Variants in ERI1 observed in about 807,000 individuals in gnomAD.
ERI1 encodes the protein 3'-5' exoribonuclease 1.
ERI1 carries 39 observed loss-of-function variants against 39.7 expected under a neutral mutation model. The observed-to-expected ratio is 0.98, with a 90% CI of 0.76 to 1.28. ERI1 has a LOEUF of 1.28. Among genes scored for constraint, ERI1 ranks in the 50% most tolerant of loss-of-function variants. The probability of loss-of-function intolerance (pLI) is 0.00; values close to 1 mark genes in which losing one functional copy is unlikely to be tolerated. For missense variants in ERI1, 581 were observed against 416.9 expected (o/e 1.39, Z -3.43); for synonymous variants, 204 against 149.6 (o/e 1.36, Z -2.65).
intron 6 of ERI1, among the ~76,000 whole-genome samples, chr8:9,029,485 C>G (rs1777263074): frequency 6.6e-6 from 1 of 152,058 alleles, no homozygotes; most frequent in Non-Finnish European, 1.5e-5. Context: ...TGCACCACCA[C>G]GCCTGGCTAA....
At chr8:9,049,674 A>G (rs1798295456) in intron 3 of ERI1, 1 of 152,194 alleles carries the variant, frequency 6.6e-6, no homozygotes, top group African/African-American at 2.4e-5. Context: ...TTCTGCATTG[A>G]GGGAGGAGAC....
chr8:9,087,350 A>G (rs1373256874), intron 3 of ERI1, among the ~76,000 whole-genome samples: 2 of 148,182 alleles, frequency 1.3e-5, no homozygotes, highest in Non-Finnish European at 3.0e-5. Flanking sequence ...GGTTGAAGCC[A>G]TTTTCCTGCC....
chr8:9,046,250 A>T (rs1441071773), intron 3 of ERI1, among the ~76,000 whole-genome samples: 2 of 152,196 alleles, frequency 1.3e-5, no homozygotes, highest in African/African-American at 4.8e-5. Flanking sequence ...TCTTCTGAGC[A>T]TATCTCTTGA....
downstream of ERI1, among the ~76,000 whole-genome samples, chr8:9,037,920 G>T (rs547049847): frequency 1.4e-5 from 2 of 145,534 alleles, no homozygotes; most frequent in African/African-American, 4.9e-5. Flanking sequence ...TCTGCTCCAA[G>T]TATCTTTGGC....
rs1817527464 is a variant in ERI1 at position 9,018,400 on chromosome 8, C to G, written c.686C>G (p.Thr229Arg). 1 of 1,521,900 alleles carries G rather than the reference C, an allele frequency of 6.6e-7. No individual in the cohort carries two copies. The highest frequency in any genetic ancestry group is 1.4e-5 in the African/African-American group (1 of 72,942). The allele number at this position is 1,521,900 out of a possible 1,614,324, so 94.3% of individuals were successfully genotyped here. A position where few individuals can be genotyped will look rare whatever the true frequency, so the allele number is the denominator to read the frequency against. The change falls in exon 5 of 7, where the codon ACA (threonine) becomes AGA (arginine). Residue 229 changes from threonine to arginine, a missense_variant. By Grantham distance (71) the Thr-to-Arg change is moderately conservative. Transcript: ENST00000250263. ...ACAAAGTATAAATACTCACTTTTAA[C>G]AGATGGGTAAGTATTTAGGAAGATT... ...LGTKYKYSLLTDGSWDMSKFL... is the reference protein window; with the variant it reads ...LGTKYKYSLLRDGSWDMSKFL...
intron 3 of ERI1, among the ~76,000 whole-genome samples, chr8:9,060,779 T>G (rs1469354385): frequency 6.6e-6 from 1 of 152,232 alleles, no homozygotes; most frequent in African/African-American, 2.4e-5. Flanking sequence ...AGCTAGCTGC[T>G]TGTCTAGCCA....
At position 9,008,166 on chromosome 8, in the gene ERI1, A is replaced by G. The variant is rs546708028; in HGVS notation, c.287+18A>G. 6.6e-7 allele frequency: 1 copy of G among 1,521,460 alleles called. No homozygotes were observed. Among genetic ancestry groups the G allele is most frequent in the East Asian group, 2.4e-5 (1 of 41,258 alleles). 94.2% of individuals were successfully genotyped at this position (1,521,460 alleles called of 1,614,324 possible). A position where few individuals can be genotyped will look rare whatever the true frequency, so the allele number is the denominator to read the frequency against. On this transcript the variant is annotated intron_variant, in intron 2 of 6. Coordinates refer to ENST00000250263, the MANE Select transcript of ERI1 (RefSeq NM_153332.4). Reference sequence around the variant, plus strand: ...GAAACTAGGTAATTAAAAATAACTTATAAAATTATAAAAGTAGTACATGCT... The same window carrying G: ...GAAACTAGGTAATTAAAAATAACTTGTAAAATTATAAAAGTAGTACATGCT...
At chr8:9,012,809 C>T (rs567341502) in intron 3 of ERI1, among the ~76,000 whole-genome samples, 1 of 152,196 alleles carries the variant, frequency 6.6e-6, no homozygotes, top group East Asian at 1.9e-4. Context: ...CCAGCTACTG[C>T]ATTTCTTTGT....
In ERI1 at chr8:9,011,624, G is replaced by C; in HGVS notation, c.370G>C (p.Asp124His). Residue 124 changes from aspartate to histidine, a missense_variant, in exon 3 of 7, where the codon GAC becomes CAC. Asp to His is a moderately conservative substitution (Grantham distance 81, BLOSUM62 -1). Coordinates refer to ENST00000250263, the MANE Select transcript of ERI1 (RefSeq NM_153332.4). ...KLMLKESNFADSYYDYICIID... is the reference protein window; with the variant it reads ...KLMLKESNFAHSYYDYICIID... ...GATGCTGAAAGAGAGCAATTTTGCT[G>C]ACAGTTATTATGACTACATTTGTAT... The C allele has an allele frequency of 1.2e-6, 2 of 1,613,538 alleles. No individual in the cohort carries two copies. The highest frequency in any genetic ancestry group is 1.7e-6 in the Non-Finnish European group (2 of 1,179,614).
chr8:9,037,568 A>G (rs909947483), downstream of ERI1, among the ~76,000 whole-genome samples: 2 of 152,092 alleles, frequency 1.3e-5, no homozygotes, highest in Non-Finnish European at 2.9e-5. Flanking sequence ...TTGTATCTCA[A>G]GAACCTAAGA....
chr8:9,012,137 AG>A (rs1816739711), intron 3 of ERI1, among the ~76,000 whole-genome samples: 1 of 152,186 alleles, frequency 6.6e-6, no homozygotes, highest in Non-Finnish European at 1.5e-5. Context: ...GAAGCTTTTC[AG>A]TTGGTTTTAA....
At chr8:9,084,039 C>T (rs543270146) in intron 3 of ERI1, among the ~76,000 whole-genome samples, 12 of 152,262 alleles carry the variant, frequency 7.9e-5, no homozygotes, top group East Asian at 5.8e-4. Context: ...ATGATCAACC[C>T]GCCTCGGCCT....
chr8:9,026,803 C>G (rs1797197339), intron 6 of ERI1, among the ~76,000 whole-genome samples: 1 of 151,714 alleles, frequency 6.6e-6, no homozygotes, highest in African/African-American at 2.4e-5. Context: ...ATTTCAAATC[C>G]AAAGCACTTC....
chr8:9,023,043 C>G lies in ERI1; in HGVS notation c.807+2579C>G, dbSNP rs112002704. ...TTCATCAAATAGTCATAAATATTTT[C>G]TTTTACCTTTTGTGTGTTGAGTCAG... is the stretch of plus-strand genomic sequence containing the variant. On this transcript the variant is annotated intron_variant, in intron 6 of 6. Coordinates refer to ENST00000250263, the MANE Select transcript of ERI1 (RefSeq NM_153332.4). Among the ~76,000 whole-genome samples the G allele has an allele frequency of 8.3e-3, 1,266 of 152,238 alleles. 17 individuals are homozygous for G. The highest frequency in any genetic ancestry group is 0.029 in the African/African-American group (1,209 of 41,534).
chr8:9,095,208 G>T (rs550649910), intron 3 of ERI1, among the ~76,000 whole-genome samples: 76 of 152,272 alleles, frequency 5.0e-4, no homozygotes, highest in African/African-American at 1.6e-3. Flanking sequence ...TTAAATTTTA[G>T]ATTCAGGGAG....
chr8:9,099,643 A>C (rs1799989298), intron 3 of ERI1, among the ~76,000 whole-genome samples: 1 of 151,938 alleles, frequency 6.6e-6, no homozygotes, highest in African/African-American at 2.4e-5. Flanking sequence ...CAACCAAATA[A>C]ATAAATAAGC....
downstream of ERI1, among the ~76,000 whole-genome samples, chr8:9,036,049 T>G (rs1240471327): frequency 6.6e-6 from 1 of 152,208 alleles, no homozygotes; most frequent in African/African-American, 2.4e-5. Flanking sequence ...TGATAAAACT[T>G]GAGGAATTAC....
chr8:9,096,320 C>G (rs190380421), intron 3 of ERI1, among the ~76,000 whole-genome samples: 4 of 152,298 alleles, frequency 2.6e-5, no homozygotes, highest in Non-Finnish European at 5.9e-5. Flanking sequence ...AGCCCCGGCT[C>G]CCAGGATCTT....
intron 3 of ERI1, among the ~76,000 whole-genome samples, chr8:9,043,924 A>C (rs1471318950): frequency 2.0e-5 from 3 of 152,220 alleles, no homozygotes; most frequent in Non-Finnish European, 4.4e-5. Flanking sequence ...AAAGATAGTT[A>C]ACAATGTAAA....
Sources: gnomAD v4.1 joint callset for allele counts (sites outside exome capture counted in the v4.1 genomes callset) on GRCh38, gnomAD v4.1.1 for gene constraint, MANE v1.5 for transcripts, NCBI Gene and HGNC (gene_info 2026-07-23, HGNC 2026-07-21) for gene names.